PIK3C2G: variants seen among roughly 807,000 people sequenced by gnomAD.
The protein encoded by PIK3C2G is phosphatidylinositol 3-kinase C2 domain-containing subunit gamma.
In PIK3C2G, 168 loss-of-function variants were observed where a neutral mutation model predicts 181.1. The ratio of observed to expected loss-of-function variants is 0.93; its 90% CI spans 0.82 to 1.05. The LOEUF (loss-of-function observed/expected upper bound fraction) is 1.05. Ranked by LOEUF, PIK3C2G falls within the 50% of genes least tolerant of loss-of-function variation. The pLI is 0.00. For synonymous variants in PIK3C2G, 573 were observed against 592.2 expected, an observed-to-expected ratio of 0.97 and a Z score of 0.47; for missense variants, 1,869 against 1,732.8, an observed-to-expected ratio of 1.08 and a Z score of -1.40.
intron 29 of PIK3C2G, among the ~76,000 whole-genome samples, chr12:18,587,510 A>T (rs559741548): frequency 2.1e-4 from 32 of 152,146 alleles, no homozygotes; most frequent in Admixed American, 5.2e-4. Flanking sequence ...GAGGTGAATG[A>T]TCTCTACAAT....
At position 18,631,512 on chromosome 12, in the gene PIK3C2G, C is replaced by T. The variant is rs12369991; in HGVS notation, c.4183-8917C>T. Among the ~76,000 whole-genome samples, 3 of 152,080 alleles carry T rather than the reference C, an allele frequency of 2.0e-5. No homozygotes were observed. In the East Asian group the frequency reaches 5.8e-4, roughly 29 times the overall value. ...TATTCTTCATACAATGGGGAATCCTCGAATGTTCAGAGAAGGAAAGTGACG... is the reference window on the plus strand; with the variant it reads ...TATTCTTCATACAATGGGGAATCCTTGAATGTTCAGAGAAGGAAAGTGACG... On this transcript the variant is annotated intron_variant, in intron 31 of 32. Transcript: ENST00000538779.
intron 28 of PIK3C2G, 83 bp downstream of exon 28, chr12:18,563,581 A>G (rs960405830): frequency 1.5e-6 from 2 of 1,335,198 alleles, no homozygotes; most frequent in African/African-American, 2.9e-5. Context: ...GGGATTTTCT[A>G]TTTGTGAGAA....
chr12:18,438,041 G>C (rs1357889785), intron 18 of PIK3C2G, among the ~76,000 whole-genome samples: 1 of 151,826 alleles, frequency 6.6e-6, no homozygotes, highest in East Asian at 1.9e-4. Flanking sequence ...TAAGCAATAT[G>C]TGTTTTTTTA....
rs1943512291 is a variant in PIK3C2G, at chr12:18,391,208, T to C, written c.2082T>C (p.Cys694=). 1 of 1,606,248 alleles carries C rather than the reference T, an allele frequency of 6.2e-7. No homozygotes were observed. The highest frequency in any genetic ancestry group is 1.3e-5 in the African/African-American group (1 of 74,596). ...RSNLEEPLKE[C]IKHIARLSQK... Reference sequence around the variant, plus strand: ...ATCTTGAAGAGCCACTAAAGGAGTGTATAAAACATATTGCCAGACTTTCAC... The same window carrying C: ...ATCTTGAAGAGCCACTAAAGGAGTGCATAAAACATATTGCCAGACTTTCAC... The change falls in exon 15 of 33, where the codon TGT becomes TGC. Residue 694 remains cysteine, a synonymous_variant. Coordinates refer to ENST00000538779, the MANE Select transcript of PIK3C2G (RefSeq NM_001288772.2).
intron 9 of PIK3C2G, among the ~76,000 whole-genome samples, chr12:18,340,016 T>C (rs1024238049): frequency 6.6e-6 from 1 of 152,148 alleles, no homozygotes; most frequent in African/African-American, 2.4e-5. Flanking sequence ...TCTTTTACTT[T>C]CCAATTATAG....
intron 26 of PIK3C2G, among the ~76,000 whole-genome samples, chr12:18,556,681 C>T (rs867853823): frequency 6.6e-6 from 1 of 152,080 alleles, no homozygotes; most frequent in Admixed American, 6.6e-5. Flanking sequence ...CTCCATAAAT[C>T]ATGATTAATA....
intron 1 of PIK3C2G, among the ~76,000 whole-genome samples, chr12:18,274,188 C>A (rs1340151907): frequency 6.6e-6 from 1 of 152,134 alleles, no homozygotes; most frequent in Non-Finnish European, 1.5e-5. Context: ...AATAGGAACA[C>A]TTTTACACTG....
the PIK3C2G span, chr12:18,701,385 CTA>C: frequency 6.5e-7 from 1 of 1,535,854 alleles, no homozygotes; most frequent in Non-Finnish European, 8.8e-7. Context: ...AAATGATAGA[CTA>C]GAGTTTTTAT....
chr12:18,713,112 T>A, the PIK3C2G span: 1 of 1,279,500 alleles, frequency 7.8e-7, no homozygotes, highest in Non-Finnish European at 1.1e-6. Flanking sequence ...TAAAACTCTA[T>A]AAAAACTTGT....
At chr12:18,440,555 A>G (rs1432316054) in intron 18 of PIK3C2G, among the ~76,000 whole-genome samples, 1 of 152,130 alleles carries the variant, frequency 6.6e-6, no homozygotes, top group Non-Finnish European at 1.5e-5. Flanking sequence ...AAGAGAGTGA[A>G]CCGCCTATGT....
rs1491068074 is a variant in PIK3C2G, at chr12:18,410,527, AAG to A, written c.2316-10412_2316-10411del. ...CTCAGAAAGAAAAAAAAAAAAAAAA[AAG>A]ATTATTTTTCAGATTAGGATCCATT... is the stretch of plus-strand genomic sequence containing the variant. On this transcript the variant is annotated intron_variant, in intron 16 of 32. Coordinates refer to ENST00000538779, the MANE Select transcript of PIK3C2G (RefSeq NM_001288772.2). Among the ~76,000 whole-genome samples the A allele has an allele frequency of 1.0e-3, 153 of 151,676 alleles. 1 individual carries two copies. The highest frequency in any genetic ancestry group is 3.5e-3 in the African/African-American group (143 of 41,246).
At chr12:18,716,232 G>A in the PIK3C2G span, among the ~76,000 whole-genome samples, 1 of 151,726 alleles carries the variant, frequency 6.6e-6, no homozygotes, top group Non-Finnish European at 1.5e-5. Context: ...ACAATCTTGA[G>A]CTTTTTACTT....
chr12:18,559,624 A>C (rs933733998), intron 26 of PIK3C2G, among the ~76,000 whole-genome samples: 1 of 151,268 alleles, frequency 6.6e-6, no homozygotes, highest in African/African-American at 2.4e-5. Context: ...CTTCCAAAAA[A>C]AAAGGTCTCT....
chr12:18,529,694 A>G (rs542734346), intron 24 of PIK3C2G, among the ~76,000 whole-genome samples: 1 of 152,324 alleles, frequency 6.6e-6, no homozygotes, highest in Non-Finnish European at 1.5e-5. Flanking sequence ...CAGCTATTTC[A>G]GAGTTCATTT....
At chr12:18,334,527 T>C (rs185973165) in intron 8 of PIK3C2G, among the ~76,000 whole-genome samples, 59 of 152,320 alleles carry the variant, frequency 3.9e-4, no homozygotes, top group African/African-American at 1.3e-3. Flanking sequence ...TTCTGGCTTA[T>C]GTCTCCACAC....
intron 14 of PIK3C2G, among the ~76,000 whole-genome samples, chr12:18,386,064 CCCT>C (rs1027426503): frequency 4.6e-5 from 7 of 152,018 alleles, no homozygotes; most frequent in African/African-American, 1.7e-4. Context: ...TGAACTTTCT[CCCT>C]CCTCCTTCCA....
At chr12:18,305,586 T>G (rs1950385434) in intron 5 of PIK3C2G, among the ~76,000 whole-genome samples, 1 of 151,834 alleles carries the variant, frequency 6.6e-6, no homozygotes, top group Non-Finnish European at 1.5e-5. Context: ...TTGATAAAAG[T>G]TTAAATGACC....
the PIK3C2G span, among the ~76,000 whole-genome samples, chr12:18,667,285 G>T: frequency 6.6e-6 from 1 of 152,110 alleles, no homozygotes; most frequent in Admixed American, 6.6e-5. Context: ...AGAGATATGT[G>T]TAATATCTTA....
At chr12:18,668,096 C>T in the PIK3C2G span, among the ~76,000 whole-genome samples, 83 of 152,300 alleles carry the variant, frequency 5.4e-4, no homozygotes, top group Middle Eastern at 3.4e-3. Flanking sequence ...AAAAGAGTCA[C>T]TGTCTTTTTC....
Sources: allele counts gnomAD v4.1 joint callset (sites outside exome capture counted in the v4.1 genomes callset), GRCh38; gene constraint gnomAD v4.1.1; transcripts MANE v1.5; gene names NCBI Gene and HGNC (gene_info 2026-07-23, HGNC 2026-07-21).